Variants in ANKRD30B observed in about 807,000 individuals in gnomAD.
ANKRD30B encodes ankyrin repeat domain 30B.
A neutral mutation model predicts 202.2 loss-of-function variants in ANKRD30B; 144 were observed. That is an observed-to-expected ratio of 0.71 (90% CI 0.62 to 0.82). ANKRD30B has a LOEUF of 0.82. Among genes scored for constraint, ANKRD30B ranks in the 40% least tolerant of loss-of-function variants. The probability of loss-of-function intolerance (pLI) is 0.00; values close to 1 mark genes in which losing one functional copy is unlikely to be tolerated. For synonymous variants in ANKRD30B, 508 were observed against 561.3 expected (o/e 0.91, Z 1.34); for missense variants, 1,487 against 1,669.1 (o/e 0.89, Z 1.90).
chr18:14,925,781 C>T, the ANKRD30B span, among the ~76,000 whole-genome samples: 5 of 152,148 alleles, frequency 3.3e-5, no homozygotes, highest in Non-Finnish European at 4.4e-5. Context: ...GCTCACACAG[C>T]GCCTGGAGCC....
At chr18:14,819,562 G>T (rs1202189427) in intron 30 of ANKRD30B, among the ~76,000 whole-genome samples, 1 of 152,262 alleles carries the variant, frequency 6.6e-6, no homozygotes, top group Non-Finnish European at 1.5e-5. Context: ...AAGGGATCCA[G>T]TTTCAGCTTT....
chr18:14,840,599 G>A lies in ANKRD30B; in HGVS notation c.3000G>A (p.Val1000=). ...ATTATCTTTAACAGATTATCTCTGT[G>A]AGTGATACACAGAATTATGAGTGTT... ...KSTSDSEIIS[V]SDTQNYECLP... The change falls in exon 37 of 44, where the codon GTG becomes GTA. Residue 1000 remains valine, a synonymous_variant. Transcript: ENST00000690538. The A allele has an allele frequency of 6.8e-7, 1 of 1,472,766 alleles. No individual in the cohort carries two copies. The allele number at this position is 1,472,766 out of a possible 1,614,324, so 91.2% of individuals were successfully genotyped here.
chr18:14,886,151 T>C, the ANKRD30B span, among the ~76,000 whole-genome samples: 1 of 151,902 alleles, frequency 6.6e-6, no homozygotes, highest in South Asian at 2.1e-4. Context: ...TATATCTCAA[T>C]AGAAATCAAA....
At chr18:14,823,482 G>T (rs1403271421) in intron 32 of ANKRD30B, among the ~76,000 whole-genome samples, 1 of 151,704 alleles carries the variant, frequency 6.6e-6, no homozygotes, top group East Asian at 1.9e-4. Context: ...TTCTGATTAG[G>T]TGATTGTGTG....
At chr18:14,760,022 A>G (rs1324367402) in intron 5 of ANKRD30B, among the ~76,000 whole-genome samples, 1 of 152,236 alleles carries the variant, frequency 6.6e-6, no homozygotes, top group Non-Finnish European at 1.5e-5. Context: ...CATCACAGGC[A>G]TGAGCCATTG....
chr18:14,796,895 C>G (rs1968938619), intron 18 of ANKRD30B, among the ~76,000 whole-genome samples: 2 of 152,118 alleles, frequency 1.3e-5, no homozygotes, highest in African/African-American at 4.8e-5. Flanking sequence ...AATTCTGTAA[C>G]TAACATCTGT....
At position 14,842,802 on chromosome 18, in the gene ANKRD30B, T is replaced by C. The variant is rs1971471493; in HGVS notation, c.3080-95T>C. On this transcript the variant is annotated intron_variant, in intron 37 of 43. Transcript: ENST00000690538. ...AACCTAAAGGAATCATTCTCAAAGC[T>C]GAGAAAAAGGACTTAGATACTATCA... 2.4e-6 allele frequency: 3 copies of C among 1,227,528 alleles called. No homozygotes were observed. In the African/African-American group the frequency reaches 4.6e-5, roughly 19 times the overall value. The allele number at this position is 1,227,528 out of a possible 1,614,324, so 76.0% of individuals were successfully genotyped here. A position where few individuals can be genotyped will look rare whatever the true frequency, so the allele number is the denominator to read the frequency against.
chr18:14,907,551 C>T, the ANKRD30B span, among the ~76,000 whole-genome samples: 4 of 152,170 alleles, frequency 2.6e-5, no homozygotes, highest in African/African-American at 9.7e-5. Flanking sequence ...GATGGGCTGG[C>T]GTCTGTGCTG....
intron 32 of ANKRD30B, among the ~76,000 whole-genome samples, chr18:14,827,546 T>C (rs2487183): frequency 6.6e-6 from 1 of 152,192 alleles, no homozygotes; most frequent in Non-Finnish European, 1.5e-5. Context: ...ATTGCTTATT[T>C]GTTGGTGGAG....
chr18:14,824,142 A>G (rs1048963597), intron 32 of ANKRD30B, among the ~76,000 whole-genome samples: 6 of 150,772 alleles, frequency 4.0e-5, no homozygotes, highest in African/African-American at 1.5e-4. Flanking sequence ...TTTTAGGTGT[A>G]CTCAATACAG....
chr18:14,861,068 A>G, the ANKRD30B span, among the ~76,000 whole-genome samples: 343 of 152,344 alleles, frequency 2.3e-3, 1 homozygote, highest in African/African-American at 7.8e-3. Context: ...ATTTCCAGAC[A>G]AGAAAATGCT....
chr18:14,799,387 T>C lies in ANKRD30B; in HGVS notation c.2131+92T>C, dbSNP rs539661847. On this transcript the variant is annotated intron_variant, in intron 22 of 43. Coordinates refer to ENST00000690538, the MANE Select transcript of ANKRD30B (RefSeq NM_001367607.2). ...CTTTTTATTCCCAATGTTGTTTTCT[T>C]TTCAAAATTGGATGGGAAAATTTGA... The C allele has an allele frequency of 7.4e-5, 91 of 1,234,066 alleles. 1 individual carries two copies. In the Middle Eastern group the frequency reaches 1.7e-3, roughly 23 times the overall value. The allele number at this position is 1,234,066 out of a possible 1,614,324, so 76.4% of individuals were successfully genotyped here.
At chr18:14,758,320 G>T (rs1481491457) in intron 5 of ANKRD30B, among the ~76,000 whole-genome samples, 1 of 152,152 alleles carries the variant, frequency 6.6e-6, no homozygotes, top group Non-Finnish European at 1.5e-5. Flanking sequence ...AATCTAAGGG[G>T]TTCCTTAAGT....
At chr18:14,937,674 G>T in the ANKRD30B span, among the ~76,000 whole-genome samples, 1 of 152,196 alleles carries the variant, frequency 6.6e-6, no homozygotes, top group Admixed American at 6.5e-5. Flanking sequence ...GCTCGAGCCG[G>T]TTCCCGCTCT....
At position 14,840,682 on chromosome 18, in the gene ANKRD30B, A is replaced by G. The variant is rs1162904845; in HGVS notation, c.3079+4A>G. 1 of 1,477,436 alleles carries G rather than the reference A, an allele frequency of 6.8e-7. No homozygotes were observed. Among genetic ancestry groups the G allele is most frequent in the Non-Finnish European group, 9.2e-7 (1 of 1,091,662 alleles). 91.5% of individuals were successfully genotyped at this position (1,477,436 alleles called of 1,614,324 possible). A position where few individuals can be genotyped will look rare whatever the true frequency, so the allele number is the denominator to read the frequency against. On this transcript the variant is annotated splice_donor_region_variant and intron_variant, in intron 37 of 43. Transcript: ENST00000690538. The stretch of plus-strand genomic sequence containing the variant: ...ACAACAAATGGCAAAATAGAAGGTA[A>G]GAACCATTTTTTATTTAAAACATCT...
At chr18:14,866,863 C>G in the ANKRD30B span, among the ~76,000 whole-genome samples, 1 of 151,522 alleles carries the variant, frequency 6.6e-6, no homozygotes, top group African/African-American at 2.4e-5. Flanking sequence ...GCACTACCAG[C>G]GGCGGGTGGC....
Position 14,763,805 on chromosome 18 carries a change from T to G in ANKRD30B, c.940T>G (p.Ser314Ala). Residue 314 changes from serine (S) to alanine (A), a missense_variant, in exon 7 of 44, where the codon TCT (serine) becomes GCT (alanine). Transcript: ENST00000690538. The stretch of plus-strand genomic sequence containing the variant: ...GGCTGCACGCTTGGTGGAGGGAACG[T>G]CTGCCAAAATTCAATGTCTGGGGAA... ...DEAARLVEGTSAKIQCLGKAT... is the reference protein window; with the variant it reads ...DEAARLVEGTAAKIQCLGKAT... 6.2e-7 allele frequency: 1 copy of G among 1,613,812 alleles called. No homozygotes were observed. The highest frequency in any genetic ancestry group is 8.5e-7 in the Non-Finnish European group (1 of 1,179,916).
intron 5 of ANKRD30B, among the ~76,000 whole-genome samples, chr18:14,758,878 A>G (rs1914806778): frequency 6.6e-6 from 1 of 152,184 alleles, no homozygotes; most frequent in Admixed American, 6.5e-5. Context: ...CTGGCACTTT[A>G]TATCCCGTGT....
At chr18:14,897,957 G>A in the ANKRD30B span, among the ~76,000 whole-genome samples, 2 of 152,046 alleles carry the variant, frequency 1.3e-5, no homozygotes, top group South Asian at 2.1e-4. Flanking sequence ...TTTCAGTAAC[G>A]CTTTATTTTA....
Sources: allele counts gnomAD v4.1 joint callset (sites outside exome capture counted in the v4.1 genomes callset), GRCh38; gene constraint gnomAD v4.1.1; transcripts MANE v1.5; gene names NCBI Gene and HGNC (gene_info 2026-07-23, HGNC 2026-07-21).